Variants in MDGA2 observed in about 807,000 individuals in gnomAD.
MDGA2 encodes MAM domain containing glycosylphosphatidylinositol anchor 2, also known as MAM domain-containing glycosylphosphatidylinositol anchor protein 2.
A neutral mutation model predicts 117.8 loss-of-function variants in MDGA2; 40 were observed. That is an observed-to-expected ratio of 0.34 (90% confidence interval 0.26 to 0.44). MDGA2 has a LOEUF of 0.44. Ranked by LOEUF, MDGA2 falls within the 20% of genes least tolerant of loss-of-function variation. MDGA2 has a pLI of 1.00. For synonymous variants in MDGA2, 452 were observed against 439.0 expected (o/e 1.03, Z -0.37); for missense variants, 1,123 against 1,250.6 (o/e 0.90, Z 1.54).
At chr14:47,598,332 C>A (rs1896585380) in intron 1 of MDGA2, among the ~76,000 whole-genome samples, 1 of 152,122 alleles carries the variant, frequency 6.6e-6, no homozygotes. Flanking sequence ...GGTACATATT[C>A]AAAATAACTG....
rs1273750033 is a variant in MDGA2 at position 46,846,159 on chromosome 14, CT to C, written c.2884-289del. Among the ~76,000 whole-genome samples, 13 of 152,172 alleles carry C rather than the reference CT, an allele frequency of 8.5e-5. 1 individual carries two copies. The East Asian group carries it at 2.5e-3, about 29-fold the overall frequency. On this transcript the variant is annotated intron_variant, in intron 15 of 16. Coordinates refer to ENST00000399232, the MANE Select transcript of MDGA2 (RefSeq NM_001113498.3). Reference sequence around the variant, plus strand: ...ATTAAAAAAAATGACTACACATCCTCTTTTAATTTTTAAGGATAAGAAAAAA... The same window carrying C: ...ATTAAAAAAAATGACTACACATCCTCTTTAATTTTTAAGGATAAGAAAAAA...
Position 46,955,299 on chromosome 14 carries a change from A to G in MDGA2, c.2089+2075T>C, listed in dbSNP as rs369993379. Among the ~76,000 whole-genome samples, 20 of 152,128 alleles carry G rather than the reference A, an allele frequency of 1.3e-4. No homozygotes were observed. In the East Asian group the frequency reaches 2.7e-3, roughly 21 times the overall value. ...GCTACCTTAACCTTTAGAACTTGTA[A>G]AAAATAGCCCATCATAGAAGATGAA... is the stretch of plus-strand genomic sequence containing the variant. On this transcript the variant is annotated intron_variant, in intron 9 of 16. Coordinates refer to ENST00000399232, the MANE Select transcript of MDGA2 (RefSeq NM_001113498.3).
intron 1 of MDGA2, among the ~76,000 whole-genome samples, chr14:47,326,553 T>C (rs1200463080): frequency 6.6e-6 from 1 of 152,110 alleles, no homozygotes; most frequent in African/African-American, 2.4e-5. Context: ...TATCTAAATT[T>C]CAAAGGTCTC....
intron 1 of MDGA2, among the ~76,000 whole-genome samples, chr14:47,399,172 G>A (rs1029876651): frequency 1.2e-4 from 19 of 152,252 alleles, no homozygotes; most frequent in Non-Finnish European, 2.6e-4. Context: ...GGAATGTACA[G>A]AAGAGAAATG....
rs973379529 is a variant in MDGA2 at position 46,923,317 on chromosome 14, T to C, written c.2090-3157A>G. On this transcript the variant is annotated intron_variant, in intron 9 of 16. Coordinates refer to ENST00000399232, the MANE Select transcript of MDGA2 (RefSeq NM_001113498.3). ...ACAGGTAATATTTTTTCATGGAGCA[T>C]TAGATTAGAAAATACTTTAGAGATT... Among the ~76,000 whole-genome samples, 19 of 152,134 alleles carry C rather than the reference T, an allele frequency of 1.2e-4. 1 individual carries two copies. The highest frequency in any genetic ancestry group is 4.6e-4 in the African/African-American group (19 of 41,442).
chr14:47,419,407 C>G (rs1892534523), intron 1 of MDGA2, among the ~76,000 whole-genome samples: 1 of 151,912 alleles, frequency 6.6e-6, no homozygotes, highest in Non-Finnish European at 1.5e-5. Context: ...GGCCATGACC[C>G]AAAGAAAGTA....
At chr14:47,216,635 G>A (rs1458901696) in intron 3 of MDGA2, among the ~76,000 whole-genome samples, 2 of 152,110 alleles carry the variant, frequency 1.3e-5, no homozygotes, top group East Asian at 1.9e-4. Flanking sequence ...GTATTGAAGA[G>A]GTGTATTTTA....
At chr14:47,510,557 AATCTGAGGTAATCAGAAC>A (rs1461546632) in intron 1 of MDGA2, among the ~76,000 whole-genome samples, 1 of 152,200 alleles carries the variant, frequency 6.6e-6, no homozygotes, top group Admixed American at 6.5e-5. Flanking sequence ...TCTTAAAAAA[AATCTGAGGTAATCAGAAC>A]ATCCTTGAAT....
chr14:47,323,015 T>C (rs1482225760), intron 1 of MDGA2, among the ~76,000 whole-genome samples: 1 of 151,684 alleles, frequency 6.6e-6, no homozygotes, highest in African/African-American at 2.4e-5. Flanking sequence ...AGATGGTGCC[T>C]AAGGCTCTTT....
intron 5 of MDGA2, among the ~76,000 whole-genome samples, chr14:47,130,870 T>C (rs980689191): frequency 1.3e-5 from 2 of 152,120 alleles, no homozygotes; most frequent in Non-Finnish European, 2.9e-5. Flanking sequence ...TTAAAAATCT[T>C]TAGTCTAATA....
intron 1 of MDGA2, among the ~76,000 whole-genome samples, chr14:47,344,082 G>T (rs2138331986): frequency 6.6e-6 from 1 of 152,220 alleles, no homozygotes; most frequent in Non-Finnish European, 1.5e-5. Flanking sequence ...CTACTCAGTT[G>T]TTTCCCTCAT....
At position 46,910,698 on chromosome 14, in the gene MDGA2, C is replaced by A. The variant is rs76197188; in HGVS notation, c.2238+9314G>T. Among the ~76,000 whole-genome samples, 676 of 152,254 alleles carry A rather than the reference C, an allele frequency of 4.4e-3. 2 individuals are homozygous for A. The highest frequency in any genetic ancestry group is 0.015 in the African/African-American group (630 of 41,550). On this transcript the variant is annotated intron_variant, in intron 10 of 16. Coordinates refer to ENST00000399232, the MANE Select transcript of MDGA2 (RefSeq NM_001113498.3). Reference sequence around the variant, plus strand: ...GTAGGAAGGAAGTCAAACTGTCAGACTTAATGACATGATCCTGTATCTAGC... The same window carrying A: ...GTAGGAAGGAAGTCAAACTGTCAGAATTAATGACATGATCCTGTATCTAGC...
chr14:46,881,522 A>G (rs1882458930), intron 11 of MDGA2, among the ~76,000 whole-genome samples: 1 of 152,170 alleles, frequency 6.6e-6, no homozygotes, highest in South Asian at 2.1e-4. Flanking sequence ...ATTTCTTAGT[A>G]GTTGTTAATC....
At chr14:47,492,957 T>C (rs1234880875) in intron 1 of MDGA2, among the ~76,000 whole-genome samples, 2 of 152,140 alleles carry the variant, frequency 1.3e-5, no homozygotes, top group African/African-American at 2.4e-5. Flanking sequence ...GGAAATTTTG[T>C]TTCATTTTAT....
At chr14:46,963,427 T>C (rs1406832290) in intron 8 of MDGA2, among the ~76,000 whole-genome samples, 4 of 152,248 alleles carry the variant, frequency 2.6e-5, no homozygotes, top group African/African-American at 9.6e-5. Context: ...GACTCACCCT[T>C]GTTTGCTATT....
chr14:47,265,594 C>T (rs1273344137), intron 2 of MDGA2, among the ~76,000 whole-genome samples: 1 of 150,070 alleles, frequency 6.7e-6, no homozygotes, highest in Non-Finnish European at 1.5e-5. Context: ...ATAAACCTGA[C>T]ATTATTGTGG....
At chr14:46,904,641 CA>C (rs2138458940) in intron 10 of MDGA2, among the ~76,000 whole-genome samples, 1 of 152,266 alleles carries the variant, frequency 6.6e-6, no homozygotes, top group South Asian at 2.1e-4. Context: ...AAATTCATAC[CA>C]AAGCCATTTA....
chr14:47,453,357 G>A (rs1828580132), intron 1 of MDGA2, among the ~76,000 whole-genome samples: 2 of 152,046 alleles, frequency 1.3e-5, no homozygotes, highest in East Asian at 1.9e-4. Flanking sequence ...GCATATTAAA[G>A]TCTTTTGTCT....
chr14:46,924,641 TAAATA>T (rs1347101566), intron 9 of MDGA2, among the ~76,000 whole-genome samples: 1 of 151,428 alleles, frequency 6.6e-6, no homozygotes. Flanking sequence ...AAAATCTAGA[TAAATA>T]AAATGAGCCC....
Sources: allele counts gnomAD v4.1 joint callset (sites outside exome capture counted in the v4.1 genomes callset), GRCh38; gene constraint gnomAD v4.1.1; transcripts MANE v1.5; gene names NCBI Gene and HGNC (gene_info 2026-07-23, HGNC 2026-07-21).